The following AQP1 variants were observed in gnomAD, a reference collection of about 807,000 sequenced individuals.
The protein encoded by AQP1 is aquaporin-1.
A neutral mutation model predicts 19.7 loss-of-function variants in AQP1; 11 were observed. The ratio of observed to expected loss-of-function variants is 0.56; its 90% CI spans 0.35 to 0.92. AQP1 has a LOEUF of 0.92. Among genes scored for constraint, AQP1 ranks in the 40% least tolerant of loss-of-function variants. The pLI is 0.01. For synonymous variants in AQP1, 159 were observed against 166.7 expected (o/e 0.95, Z 0.36); for missense variants, 320 against 369.7 (o/e 0.87, Z 1.10).
chr7:30,923,473 C>A lies in AQP1; in HGVS notation c.654C>A (p.Ile218=), dbSNP rs375975852. The change falls in exon 4 of 4, where the codon ATC becomes ATA. Residue 218 remains isoleucine, a synonymous_variant. Coordinates refer to ENST00000311813, the MANE Select transcript of AQP1 (RefSeq NM_198098.4). The surrounding 1 kb of genome is among the most constrained non-coding windows in gnomAD (Gnocchi z 4.8). ...AGATTTTCTGGGTGGGGCCATTCAT[C>A]GGGGGAGCCCTGGCTGTACTCATCT... is the stretch of plus-strand genomic sequence containing the variant. The part of the protein sequence containing the change: ...NHWIFWVGPF[I]GGALAVLIYD... 1.2e-6 allele frequency: 2 copies of A among 1,613,960 alleles called. No homozygotes were observed. Among genetic ancestry groups the A allele is most frequent in the Non-Finnish European group, 1.7e-6 (2 of 1,179,938 alleles).
rs570841845 is a variant in AQP1, at chr7:30,925,198, A to C, written c.*1569A>C. The stretch of plus-strand genomic sequence containing the variant: ...CAGGAACTTCTAGCTCATTTAACAG[A>C]TAAAGAAACTGAGGCCCACGGTTTC... On this transcript the variant is annotated 3_prime_UTR_variant, in exon 4 of 4. Transcript: ENST00000311813. 6.6e-6 allele frequency: 1 copy of C among 152,374 alleles called. No individual in the cohort carries two copies. The highest frequency in any genetic ancestry group is 2.1e-4 in the South Asian group (1 of 4,828). 9.4% of individuals were successfully genotyped at this position (152,374 alleles called of 1,614,324 possible).
In AQP1 at chr7:30,912,681, C is replaced by T. The variant is rs1205369312; in HGVS notation, c.384+388C>T. 2.6e-5 allele frequency among the ~76,000 whole-genome samples: 4 copies of T among 152,212 alleles called. No individual in the cohort carries two copies. The highest frequency in any genetic ancestry group is 4.1e-4 in the South Asian group (2 of 4,830). The stretch of plus-strand genomic sequence containing the variant: ...CCCTGCACCCTGGGGAAACTTTGCC[C>T]GCTGTCCCCAGCCACCCTGAACCAA... On this transcript the variant is annotated intron_variant, in intron 1 of 3. Coordinates refer to ENST00000311813, the MANE Select transcript of AQP1 (RefSeq NM_198098.4). This position sits in a 1 kb window ranked among gnomAD's most constrained non-coding sequence, Gnocchi z 4.3.
intron 1 of AQP1, among the ~76,000 whole-genome samples, chr7:30,918,150 G>A (rs988432563): frequency 1.3e-5 from 2 of 151,888 alleles, no homozygotes; most frequent in African/African-American, 4.8e-5. Context: ...CACCACACCC[G>A]GCTAATTTTG....
chr7:30,912,411 C>T lies in AQP1; in HGVS notation c.384+118C>T. 1.4e-6 allele frequency: 2 copies of T among 1,441,880 alleles called. No individual in the cohort carries two copies. Among genetic ancestry groups the T allele is most frequent in the Non-Finnish European group, 1.9e-6 (2 of 1,070,454 alleles). The allele number at this position is 1,441,880 out of a possible 1,614,324, so 89.3% of individuals were successfully genotyped here. On this transcript the variant is annotated intron_variant, in intron 1 of 3. Transcript: ENST00000311813. This position sits in a 1 kb window ranked among gnomAD's most constrained non-coding sequence, Gnocchi z 4.3. The stretch of plus-strand genomic sequence containing the variant: ...GAGGAACGGAGAGGACAAGAGGTTG[C>T]TGGAGGTCACGTAGAGAGCTGGGGG...
intron 1 of AQP1, chr7:30,921,225 G>C: frequency 9.2e-7 from 1 of 1,092,244 alleles, no homozygotes; most frequent in Non-Finnish European, 1.1e-6. Context: ...GGTCCTCCGG[G>C]GGCAGCTGCA....
At chr7:30,913,538 G>T (rs1392378971) in intron 1 of AQP1, 2 of 152,264 alleles carry the variant, frequency 1.3e-5, no homozygotes, top group African/African-American at 4.8e-5. Flanking sequence ...GGGCGCCTCA[G>T]AGATGGCAGA....
rs1791639436 is a variant in AQP1 at position 30,925,006 on chromosome 7, T to A, written c.*1377T>A. The A allele has an allele frequency of 2.0e-5, 3 of 152,338 alleles. No individual in the cohort carries two copies. The highest frequency in any genetic ancestry group is 2.0e-4 in the Admixed American group (3 of 15,292). The allele number at this position is 152,338 out of a possible 1,614,324, so 9.4% of individuals were successfully genotyped here. A position where few individuals can be genotyped will look rare whatever the true frequency, so the allele number is the denominator to read the frequency against. The stretch of plus-strand genomic sequence containing the variant: ...CTGGATTCTATCTACATAAGTCCTT[T>A]CAATTCCACCAGGGCCAGAGCAGCT... On this transcript the variant is annotated 3_prime_UTR_variant, in exon 4 of 4. Coordinates refer to ENST00000311813, the MANE Select transcript of AQP1 (RefSeq NM_198098.4).
chr7:30,916,836 C>T (rs2267719), intron 1 of AQP1, among the ~76,000 whole-genome samples: 19,983 of 151,994 alleles, frequency 0.13, 1,756 homozygotes, highest in East Asian at 0.31. Context: ...CAATAAGCTC[C>T]CTGCCATTAG....
intron 1 of AQP1, among the ~76,000 whole-genome samples, chr7:30,914,932 G>C (rs1055062799): frequency 2.0e-5 from 3 of 152,244 alleles, no homozygotes; most frequent in African/African-American, 4.8e-5. Context: ...GTCCCGGCTA[G>C]TTCTAAGAGC....
intron 1 of AQP1, among the ~76,000 whole-genome samples, chr7:30,914,513 T>C (rs1013777870): frequency 6.6e-6 from 1 of 152,070 alleles, no homozygotes; most frequent in Non-Finnish European, 1.5e-5. Flanking sequence ...GTCCCAACAG[T>C]GGAAGGGTGG....
intron 1 of AQP1, among the ~76,000 whole-genome samples, chr7:30,916,968 A>C (rs1430688665): frequency 2.6e-5 from 4 of 152,104 alleles, no homozygotes; most frequent in Non-Finnish European, 4.4e-5. Flanking sequence ...TGAGATCAGC[A>C]ATTCTGATGG....
rs920008837 is a variant in AQP1, at chr7:30,912,933, C to T, written c.384+640C>T. On this transcript the variant is annotated intron_variant, in intron 1 of 3. Transcript: ENST00000311813. This position sits in a 1 kb window ranked among gnomAD's most constrained non-coding sequence, Gnocchi z 4.3. ...ATTACAGTATGGGCTGGGGGGCAAG[C>T]GCTGGGCTCCATGGTCTCTAGGCAC... 6.6e-6 allele frequency among the ~76,000 whole-genome samples: 1 copy of T among 151,926 alleles called. No individual in the cohort carries two copies. The highest frequency in any genetic ancestry group is 1.5e-5 in the Non-Finnish European group (1 of 67,998).
chr7:30,917,510 C>G (rs1410515304), intron 1 of AQP1, among the ~76,000 whole-genome samples: 1 of 152,142 alleles, frequency 6.6e-6, no homozygotes, highest in Non-Finnish European at 1.5e-5. Context: ...ATTTTTTTCT[C>G]TTCTCTTCCC....
In AQP1 at chr7:30,923,789, T is replaced by G; in HGVS notation, c.*160T>G. The G allele has an allele frequency of 6.6e-7, 1 of 1,513,742 alleles. No homozygotes were observed. Among genetic ancestry groups the G allele is most frequent in the Non-Finnish European group, 8.9e-7 (1 of 1,129,598 alleles). The allele number at this position is 1,513,742 out of a possible 1,614,324, so 93.8% of individuals were successfully genotyped here. A position where few individuals can be genotyped will look rare whatever the true frequency, so the allele number is the denominator to read the frequency against. ...TGGTCAAGCCTCTTATGGGGGTGTT[T>G]CTATCTCTTTCTTTCTCTTTCTGTT... is the stretch of plus-strand genomic sequence containing the variant. On this transcript the variant is annotated 3_prime_UTR_variant, in exon 4 of 4. Transcript: ENST00000311813. This position sits in a 1 kb window ranked among gnomAD's most constrained non-coding sequence, Gnocchi z 4.8.
At chr7:30,922,377 G>C in intron 2 of AQP1, 147 bp downstream of exon 2, 1 of 1,387,772 alleles carries the variant, frequency 7.2e-7, no homozygotes, top group Non-Finnish European at 9.9e-7. Context: ...GCTGGGGGCA[G>C]GGTCCTGCCC....
chr7:30,914,370 C>T (rs1791257200), intron 1 of AQP1, among the ~76,000 whole-genome samples: 1 of 152,218 alleles, frequency 6.6e-6, no homozygotes, highest in African/African-American at 2.4e-5. Context: ...CACAGCCACA[C>T]CCAGACAGCC....
chr7:30,922,796 G>C (rs1683295647), intron 3 of AQP1, 152 bp downstream of exon 3: 1 of 809,244 alleles, frequency 1.2e-6, no homozygotes, highest in Admixed American at 2.0e-5. Flanking sequence ...GTAGAGGCAG[G>C]CTGGGGGTCA....
At chr7:30,915,256 C>T (rs28362706) in intron 1 of AQP1, among the ~76,000 whole-genome samples, 18 of 150,892 alleles carry the variant, frequency 1.2e-4, no homozygotes, top group Non-Finnish European at 2.5e-4. Context: ...TGGGTTAGCC[C>T]GGCTCCCTCC....
intron 1 of AQP1, among the ~76,000 whole-genome samples, chr7:30,918,028 T>C (rs891088359): frequency 1.3e-5 from 2 of 151,494 alleles, no homozygotes; most frequent in African/African-American, 4.9e-5. Context: ...GGAGTCTCAC[T>C]CTGTCGCCCA....
Sources: allele counts gnomAD v4.1 joint callset (sites outside exome capture counted in the v4.1 genomes callset), GRCh38; gene constraint gnomAD v4.1.1; non-coding constraint Gnocchi (gnomAD v3.1); transcripts MANE v1.5; gene names NCBI Gene and HGNC (gene_info 2026-07-23, HGNC 2026-07-21).